RANBP10: variants seen among roughly 807,000 people sequenced by gnomAD.
RANBP10 encodes the protein ran-binding protein 10.
Under a neutral mutation model 72.8 loss-of-function variants are expected in RANBP10, and 24 were observed. That is an observed-to-expected ratio of 0.33 (90% CI 0.24 to 0.46). The LOEUF (loss-of-function observed/expected upper bound fraction) is 0.46, where lower values mean the gene tolerates loss of function less well. Ranked by LOEUF, RANBP10 falls within the 20% of genes least tolerant of loss-of-function variation. The pLI is 1.00. For missense variants in RANBP10, 679 were observed against 817.5 expected, an observed-to-expected ratio of 0.83 and a Z score of 2.07; for synonymous variants, 310 against 322.3, an observed-to-expected ratio of 0.96 and a Z score of 0.41.
At chr16:67,797,471 C>T (rs2055154642) in intron 2 of RANBP10, among the ~76,000 whole-genome samples, 1 of 152,090 alleles carries the variant, frequency 6.6e-6, no homozygotes, top group South Asian at 2.1e-4. Flanking sequence ...GAGTTCCAGA[C>T]CAGCCTAGGA....
At chr16:67,782,666 G>T (rs1049419077) in intron 2 of RANBP10, among the ~76,000 whole-genome samples, 1 of 151,902 alleles carries the variant, frequency 6.6e-6, no homozygotes, top group East Asian at 2.0e-4. Flanking sequence ...ATGTTGGCCA[G>T]GCTGGTCAAC....
rs761104891 is a variant in RANBP10, at chr16:67,727,907, A to G, written c.1475-11T>C. ...GAGGATGCCTGTCATCTGCATCCAG[A>G]ACCCAGTGGAGAACGTGTTAGGAGG... On this transcript the variant is annotated splice_polypyrimidine_tract_variant and intron_variant, in intron 11 of 13. Transcript: ENST00000317506. 7 of 1,613,546 alleles carry G rather than the reference A, an allele frequency of 4.3e-6. No individual in the cohort carries two copies. The South Asian group carries it at 6.6e-5, about 15-fold the overall frequency.
At chr16:67,759,724 G>T (rs996199308) in intron 3 of RANBP10, 15 of 152,294 alleles carry the variant, frequency 9.8e-5, no homozygotes, top group African/African-American at 2.9e-4. Context: ...CTGTAACATG[G>T]GTCCCAGGCT....
intron 3 of RANBP10, among the ~76,000 whole-genome samples, chr16:67,757,266 T>C (rs1490989154): frequency 1.3e-5 from 2 of 152,168 alleles, no homozygotes; most frequent in African/African-American, 4.8e-5. Context: ...TGCTCCCTTC[T>C]GCCCAAAGGG....
chr16:67,794,042 G>A lies in RANBP10; in HGVS notation c.347+11386C>T, dbSNP rs1216599031. Among the ~76,000 whole-genome samples the A allele has an allele frequency of 4.6e-5, 7 of 151,812 alleles. No individual in the cohort carries two copies. In the East Asian group the frequency reaches 7.7e-4, roughly 17 times the overall value. Reference sequence around the variant, plus strand: ...CTACAGAAGTATTCTATCACACCCCGCTCATTTTTAAAAATGTTTCGTAGA... The same window carrying A: ...CTACAGAAGTATTCTATCACACCCCACTCATTTTTAAAAATGTTTCGTAGA... On this transcript the variant is annotated intron_variant, in intron 2 of 13. Coordinates refer to ENST00000317506, the MANE Select transcript of RANBP10 (RefSeq NM_020850.3).
chr16:67,732,806 GGGA>G (rs1555549427), intron 6 of RANBP10, among the ~76,000 whole-genome samples: 1 of 151,778 alleles, frequency 6.6e-6, no homozygotes, highest in Non-Finnish European at 1.5e-5. Context: ...CCAGCACTTT[GGGA>G]GGCTGAGGCG....
chr16:67,765,199 C>CAAAAAA (rs569942198), intron 3 of RANBP10, among the ~76,000 whole-genome samples: 4 of 11,594 alleles, frequency 3.5e-4, no homozygotes, highest in Admixed American at 1.7e-3. Context: ...GACTCCATCT[C>CAAAAAA]AAAAAAAAAA....
At chr16:67,803,524 C>T (rs566312654) in intron 2 of RANBP10, among the ~76,000 whole-genome samples, 3 of 151,818 alleles carry the variant, frequency 2.0e-5, no homozygotes, top group African/African-American at 7.3e-5. Flanking sequence ...GTGGCACATG[C>T]CTGTAAGCCC....
chr16:67,801,620 T>C (rs922608860), intron 2 of RANBP10, among the ~76,000 whole-genome samples: 1 of 152,080 alleles, frequency 6.6e-6, no homozygotes, highest in African/African-American at 2.4e-5. Flanking sequence ...AGTTAATGCT[T>C]GGGTCATGGA....
chr16:67,757,165 G>T (rs149989948), intron 3 of RANBP10, among the ~76,000 whole-genome samples: 2 of 152,184 alleles, frequency 1.3e-5, no homozygotes, highest in African/African-American at 4.8e-5. Flanking sequence ...CCAAGATGGC[G>T]CCATTGCACT....
At chr16:67,758,232 C>T (rs1482376937) in intron 3 of RANBP10, among the ~76,000 whole-genome samples, 1 of 152,202 alleles carries the variant, frequency 6.6e-6, no homozygotes, top group Non-Finnish European at 1.5e-5. Flanking sequence ...CACTACCTGC[C>T]AACACCTTGT....
chr16:67,772,711 CTTAT>C (rs1270894708), intron 2 of RANBP10, among the ~76,000 whole-genome samples: 1 of 152,122 alleles, frequency 6.6e-6, no homozygotes, highest in African/African-American at 2.4e-5. Flanking sequence ...AAGAGTGGGG[CTTAT>C]TCTCTTTGAA....
chr16:67,777,767 T>A (rs1283962530), intron 2 of RANBP10, among the ~76,000 whole-genome samples: 1 of 151,798 alleles, frequency 6.6e-6, no homozygotes, highest in Non-Finnish European at 1.5e-5. Flanking sequence ...AATAGAAAAA[T>A]CCATATGGAA....
intron 2 of RANBP10, among the ~76,000 whole-genome samples, chr16:67,797,191 C>A (rs1278655694): frequency 6.6e-6 from 1 of 152,184 alleles, no homozygotes; most frequent in Non-Finnish European, 1.5e-5. Context: ...ACCAAAAGTT[C>A]CAGAGAACAA....
intron 5 of RANBP10, 28 bp from the exon 6 acceptor site, chr16:67,735,070 G>C: frequency 1.3e-6 from 2 of 1,554,944 alleles, no homozygotes; most frequent in Non-Finnish European, 1.7e-6. Flanking sequence ...ATGTCAGTCA[G>C]GCCCTGAGGG....
chr16:67,731,235 G>A (rs759842213), intron 7 of RANBP10: 14 of 457,058 alleles, frequency 3.1e-5, no homozygotes, highest in Non-Finnish European at 5.6e-5. Context: ...CCTGGCCTGC[G>A]CCCAGCCTTC....
At chr16:67,784,114 C>T (rs145405875) in intron 2 of RANBP10, among the ~76,000 whole-genome samples, 132 of 151,058 alleles carry the variant, frequency 8.7e-4, no homozygotes, top group African/African-American at 2.6e-3. Context: ...AATATAGATG[C>T]AAAAATCCTT....
chr16:67,726,251 C>T lies in RANBP10; in HGVS notation c.*177G>A. 8.0e-6 allele frequency: 7 copies of T among 876,248 alleles called. No homozygotes were observed. The highest frequency in any genetic ancestry group is 3.4e-5 in the African/African-American group (2 of 59,532). 54.3% of individuals were successfully genotyped at this position (876,248 alleles called of 1,614,324 possible). On this transcript the variant is annotated 3_prime_UTR_variant, in exon 14 of 14. Transcript: ENST00000317506. ...GAAGGGGAGAGAGAGAGAGACTGAG[C>T]GGGGTGGTGGGCAGAGAAAGGAAGG...
At position 67,726,242 on chromosome 16, in the gene RANBP10, G is replaced by C; in HGVS notation, c.*186C>G. On this transcript the variant is annotated 3_prime_UTR_variant, in exon 14 of 14. Transcript: ENST00000317506. ...GCTGCACGTGAAGGGGAGAGAGAGA[G>C]AGACTGAGCGGGGTGGTGGGCAGAG... The C allele has an allele frequency of 1.2e-6, 1 of 808,410 alleles. No individual in the cohort carries two copies. Among genetic ancestry groups the C allele is most frequent in the South Asian group, 1.7e-5 (1 of 58,356 alleles). 50.1% of individuals were successfully genotyped at this position (808,410 alleles called of 1,614,324 possible).
Sources: gnomAD v4.1 joint callset for allele counts (sites outside exome capture counted in the v4.1 genomes callset) on GRCh38, gnomAD v4.1.1 for gene constraint, MANE v1.5 for transcripts, NCBI Gene and HGNC (gene_info 2026-07-23, HGNC 2026-07-21) for gene names.